GRM7: variants seen among roughly 807,000 people sequenced by gnomAD.
GRM7 encodes glutamate metabotropic receptor 7.
In GRM7, 35 loss-of-function variants were observed where a neutral mutation model predicts 84.5. That is an observed-to-expected ratio of 0.41 (90% CI 0.32 to 0.55). The LOEUF (loss-of-function observed/expected upper bound fraction) is 0.55. Ranked by LOEUF, GRM7 falls within the 20% of genes least tolerant of loss-of-function variation. GRM7 has a pLI of 0.19. For synonymous variants in GRM7, 487 were observed against 455.1 expected (o/e 1.07, Z -0.89); for missense variants, 1,003 against 1,194.6 (o/e 0.84, Z 2.36).
intron 2 of GRM7, among the ~76,000 whole-genome samples, chr3:7,194,727 A>G (rs1008221966): frequency 6.6e-6 from 1 of 152,180 alleles, no homozygotes; most frequent in East Asian, 1.9e-4. Context: ...GTCTTAATCT[A>G]TTAAACAGAG....
chr3:6,963,696 T>G (rs1227386555), intron 1 of GRM7, among the ~76,000 whole-genome samples: 2 of 152,208 alleles, frequency 1.3e-5, no homozygotes, highest in Non-Finnish European at 2.9e-5. Flanking sequence ...CATGGTACAG[T>G]TTACAATGAA....
At chr3:7,414,891 T>G (rs1696096471) in intron 4 of GRM7, 132 bp from the exon 5 acceptor site, 1 of 593,210 alleles carries the variant, frequency 1.7e-6, no homozygotes. Flanking sequence ...TGTTAATTTT[T>G]TTTTTTTTCG....
chr3:7,314,876 T>C (rs1365465398), intron 4 of GRM7, among the ~76,000 whole-genome samples: 1 of 152,188 alleles, frequency 6.6e-6, no homozygotes, highest in Non-Finnish European at 1.5e-5. Context: ...AATCTTATGA[T>C]GTAGTAGCTC....
At chr3:6,879,732 C>T (rs1357302193) in intron 1 of GRM7, among the ~76,000 whole-genome samples, 1 of 152,264 alleles carries the variant, frequency 6.6e-6, no homozygotes, top group East Asian at 1.9e-4. Flanking sequence ...TTCTGGGAAC[C>T]TGAGGTTAGA....
chr3:7,298,386 C>T (rs1402303741), intron 2 of GRM7, among the ~76,000 whole-genome samples: 2 of 152,148 alleles, frequency 1.3e-5, no homozygotes, highest in African/African-American at 4.8e-5. Context: ...AACCCAGCCA[C>T]TTTTTCTTCC....
chr3:6,892,136 A>G (rs570130924), intron 1 of GRM7, among the ~76,000 whole-genome samples: 3 of 152,262 alleles, frequency 2.0e-5, no homozygotes, highest in Middle Eastern at 3.4e-3. Context: ...ACATTCGTCT[A>G]AATTTTTTTC....
intron 7 of GRM7, among the ~76,000 whole-genome samples, chr3:7,485,889 T>C (rs1488138884): frequency 3.3e-5 from 5 of 152,202 alleles, no homozygotes; most frequent in Non-Finnish European, 7.3e-5. Context: ...AGCTGAAAAG[T>C]TGAAGTACTT....
rs146474470 is a variant in GRM7, at chr3:7,616,224, A to G, written c.2451+36867A>G. On this transcript the variant is annotated intron_variant, in intron 8 of 9. Transcript: ENST00000357716. ...TTACTGCCGGCATCATTTCGCACAT[A>G]TTTTTGAAGCTTCTTAAATGAAAAC... Among the ~76,000 whole-genome samples, 512 of 152,252 alleles carry G rather than the reference A, an allele frequency of 3.4e-3. 2 individuals carry two copies. The highest frequency in any genetic ancestry group is 5.4e-3 in the Non-Finnish European group (367 of 68,000).
intron 7 of GRM7, among the ~76,000 whole-genome samples, chr3:7,487,536 C>G (rs2124945442): frequency 6.6e-6 from 1 of 152,286 alleles, no homozygotes; most frequent in South Asian, 2.1e-4. Context: ...CTCCTCACGT[C>G]CAACTCACAT....
At chr3:7,693,686 G>T (rs766029818) in intron 9 of GRM7, 3 of 1,521,592 alleles carry the variant, frequency 2.0e-6, no homozygotes, top group South Asian at 1.2e-5. Context: ...TCAAGCGATT[G>T]TCTGAGGCAA....
intron 5 of GRM7, among the ~76,000 whole-genome samples, chr3:7,427,850 C>T (rs753414068): frequency 5.3e-5 from 8 of 152,146 alleles, no homozygotes; most frequent in Non-Finnish European, 1.0e-4. Flanking sequence ...TCAGGGTCAG[C>T]GAGGTTAATG....
chr3:7,325,199 A>G (rs1700938253), intron 4 of GRM7, among the ~76,000 whole-genome samples: 1 of 152,130 alleles, frequency 6.6e-6, no homozygotes, highest in African/African-American at 2.4e-5. Flanking sequence ...AAAGTTCTCA[A>G]ATATATTTAC....
rs574224760 is a variant in GRM7 at position 7,359,767 on chromosome 3, G to A, written c.1033+53115G>A. 2.7e-5 allele frequency among the ~76,000 whole-genome samples: 4 copies of A among 148,562 alleles called. No individual in the cohort carries two copies. In the East Asian group the frequency reaches 7.8e-4, roughly 29 times the overall value. On this transcript the variant is annotated intron_variant, in intron 4 of 9. Coordinates refer to ENST00000357716, the MANE Select transcript of GRM7 (RefSeq NM_000844.4). ...GAGTATAGCACATGGCACATGATAGGTGTGCAGAAAACGTTTGTGGAATTG... is the reference window on the plus strand; with the variant it reads ...GAGTATAGCACATGGCACATGATAGATGTGCAGAAAACGTTTGTGGAATTG...
intron 1 of GRM7, among the ~76,000 whole-genome samples, chr3:6,949,806 T>G (rs1422295720): frequency 1.3e-5 from 2 of 152,240 alleles, no homozygotes; most frequent in Non-Finnish European, 2.9e-5. Flanking sequence ...TGTATTCATT[T>G]GATCTTCCAT....
At chr3:6,870,630 G>A (rs1695091705) in intron 1 of GRM7, among the ~76,000 whole-genome samples, 1 of 152,198 alleles carries the variant, frequency 6.6e-6, no homozygotes, top group African/African-American at 2.4e-5. Context: ...TAAGGGCAAA[G>A]AGTAGTATCT....
At chr3:6,947,001 G>C (rs2125063880) in intron 1 of GRM7, among the ~76,000 whole-genome samples, 1 of 152,300 alleles carries the variant, frequency 6.6e-6, no homozygotes, top group South Asian at 2.1e-4. Flanking sequence ...TCTGCAAACA[G>C]GGAGAATTTG....
intron 2 of GRM7, among the ~76,000 whole-genome samples, chr3:7,160,503 C>T (rs1367502336): frequency 6.6e-6 from 1 of 152,084 alleles, no homozygotes; most frequent in Non-Finnish European, 1.5e-5. Context: ...CTCTCTGGTC[C>T]TGCTGGATAG....
At chr3:6,921,893 C>T (rs1697138062) in intron 1 of GRM7, among the ~76,000 whole-genome samples, 1 of 152,176 alleles carries the variant, frequency 6.6e-6, no homozygotes, top group African/African-American at 2.4e-5. Flanking sequence ...TACTCAGAAT[C>T]ACAGACCGAG....
intron 2 of GRM7, among the ~76,000 whole-genome samples, chr3:7,240,304 T>C (rs1340997795): frequency 2.0e-5 from 3 of 151,386 alleles, no homozygotes; most frequent in Admixed American, 6.6e-5. Context: ...GGACTTGTGA[T>C]AGTGAGGGGC....
Sources: allele counts gnomAD v4.1 joint callset (sites outside exome capture counted in the v4.1 genomes callset), GRCh38; gene constraint gnomAD v4.1.1; transcripts MANE v1.5; gene names NCBI Gene and HGNC (gene_info 2026-07-23, HGNC 2026-07-21).